Variants in REST observed in about 807,000 individuals in gnomAD.
REST encodes the protein RE1 silencing transcription factor, also known as RE1-silencing transcription factor.
In REST, 1 loss-of-function variant was observed where a neutral mutation model predicts 30.4. The ratio of observed to expected loss-of-function variants is 0.03; its 90% confidence interval spans 0.01 to 0.16. The LOEUF is 0.16. REST is among the 10% of genes least tolerant of loss of function. The probability of loss-of-function intolerance (pLI) is 1.00; values close to 1 mark genes in which losing one functional copy is unlikely to be tolerated. For synonymous variants in REST, 504 were observed against 451.1 expected, an observed-to-expected ratio of 1.12 and a Z score of -1.49; for missense variants, 1,259 against 1,329.5, an observed-to-expected ratio of 0.95 and a Z score of 0.82.
chr4:56,928,426 G>T (rs1189664800), intron 3 of REST, among the ~76,000 whole-genome samples: 15 of 151,184 alleles, frequency 9.9e-5, no homozygotes, highest in Admixed American at 9.2e-4. Context: ...ATTTATTGAT[G>T]TATTTTTGAG....
intron 1 of REST, among the ~76,000 whole-genome samples, chr4:56,908,707 C>T (rs1354783661): frequency 5.9e-5 from 9 of 152,136 alleles, no homozygotes; most frequent in East Asian, 1.9e-4. Context: ...GTTGAGTCAG[C>T]CCCGGGGCCC....
chr4:56,930,291 A>G lies in REST; in HGVS notation c.1433A>G (p.Lys478Arg). Residue 478 changes from lysine to arginine, a missense_variant, in exon 4 of 4, where the codon AAG becomes AGG. Coordinates refer to ENST00000309042, the MANE Select transcript of REST (RefSeq NM_005612.5). Reference sequence around the variant, plus strand: ...AAAAGAGATGTCTCAAAAGAGAAAAAGCCTTCTAATAATGTGTCAGTGATC... The same window carrying G: ...AAAAGAGATGTCTCAAAAGAGAAAAGGCCTTCTAATAATGTGTCAGTGATC... The part of the protein sequence containing the change: ...AEKRDVSKEK[K>R]PSNNVSVIQV... 6.2e-7 allele frequency: 1 copy of G among 1,613,774 alleles called. No homozygotes were observed. The highest frequency in any genetic ancestry group is 1.1e-5 in the South Asian group (1 of 90,958).
chr4:56,931,808 G>A lies in REST; in HGVS notation c.2950G>A (p.Ala984Thr). 1 of 1,614,242 alleles carries A rather than the reference G, an allele frequency of 6.2e-7. No homozygotes were observed. The change falls in exon 4 of 4, where the codon GCA (alanine) becomes ACA (threonine). Residue 984 changes from alanine to threonine, a missense_variant. Physicochemically the swap from Ala to Thr is moderately conservative, Grantham distance 58 (BLOSUM62 0). Coordinates refer to ENST00000309042, the MANE Select transcript of REST (RefSeq NM_005612.5). ...LPPSAVEEREAVSKTALASPP... is the reference protein window; with the variant it reads ...LPPSAVEERETVSKTALASPP... Reference sequence around the variant, plus strand: ...CCCTTCAGCAGTAGAAGAACGTGAAGCAGTGTCCAAAACTGCACTGGCATC... The same window carrying A: ...CCCTTCAGCAGTAGAAGAACGTGAAACAGTGTCCAAAACTGCACTGGCATC...
chr4:56,908,184 T>G lies in REST; in HGVS notation c.-39T>G. ...TCGGAGAAGGAGCGGCGACTCAGGG[T>G]CGCCCGCCCCTCCTCACCGAGGAAG... On this transcript the variant is annotated 5_prime_UTR_variant, in exon 1 of 4. Coordinates refer to ENST00000309042, the MANE Select transcript of REST (RefSeq NM_005612.5). 2 of 167,398 alleles carry G rather than the reference T, an allele frequency of 1.2e-5. No homozygotes were observed. The highest frequency in any genetic ancestry group is 2.5e-5 in the Non-Finnish European group (2 of 80,002). 10.4% of individuals were successfully genotyped at this position (167,398 alleles called of 1,614,324 possible).
rs558854430 is a variant in REST, at chr4:56,929,271, G to A, written c.983-570G>A. Among the ~76,000 whole-genome samples, 24 of 151,444 alleles carry A rather than the reference G, an allele frequency of 1.6e-4. No homozygotes were observed. The South Asian group carries it at 3.1e-3, about 20-fold the overall frequency. On this transcript the variant is annotated intron_variant, in intron 3 of 3. Coordinates refer to ENST00000309042, the MANE Select transcript of REST (RefSeq NM_005612.5). ...TTTTTAGTAGAGATGGGGTTTCACCGTGTTGGCCAGGCTGGTTTCAAACTC... is the reference window on the plus strand; with the variant it reads ...TTTTTAGTAGAGATGGGGTTTCACCATGTTGGCCAGGCTGGTTTCAAACTC...
Position 56,911,271 on chromosome 4 carries a change from C to T in REST, c.633C>T (p.Phe211=), listed in dbSNP as rs369998642. 2 of 1,614,020 alleles carry T rather than the reference C, an allele frequency of 1.2e-6. No individual in the cohort carries two copies. The highest frequency in any genetic ancestry group is 2.2e-5 in the East Asian group (1 of 44,884). Reference sequence around the variant, plus strand: ...CTTCCACTGCAGAAGAGGGAGATTTCTCCAAGGGCCCCATTCGCTGTGACC... The same window carrying T: ...CTTCCACTGCAGAAGAGGGAGATTTTTCCAAGGGCCCCATTCGCTGTGACC... ...SGSSTAEEGD[F]SKGPIRCDRC... is the part of the protein sequence containing the mutation. The change falls in exon 2 of 4, where the codon TTC becomes TTT. Residue 211 remains phenylalanine, a synonymous_variant. Coordinates refer to ENST00000309042, the MANE Select transcript of REST (RefSeq NM_005612.5).
At chr4:56,926,203 G>GCA (rs1231376111) in intron 3 of REST, among the ~76,000 whole-genome samples, 28 of 151,874 alleles carry the variant, frequency 1.8e-4, no homozygotes, top group Non-Finnish European at 3.7e-4. Flanking sequence ...GGGATTACAG[G>GCA]CATGCACCAC....
In REST at chr4:56,931,854, C is replaced by A; in HGVS notation, c.2996C>A (p.Ala999Glu). 2.5e-6 allele frequency: 4 copies of A among 1,614,198 alleles called. No homozygotes were observed. The highest frequency in any genetic ancestry group is 3.4e-6 in the Non-Finnish European group (4 of 1,180,028). Residue 999 changes from alanine (A) to glutamate (E), a missense_variant, in exon 4 of 4, where the codon GCA becomes GAA. Ala to Glu is a moderately radical substitution (Grantham distance 107). Coordinates refer to ENST00000309042, the MANE Select transcript of REST (RefSeq NM_005612.5). ...GCATCACCTCCTGCTACAATGGCAG[C>A]AAATGAGTCTCAGGAAATTGATGAA... is the stretch of plus-strand genomic sequence containing the variant. Reference protein sequence around the residue: ...ALASPPATMAANESQEIDEDE... With the variant: ...ALASPPATMAENESQEIDEDE...
At chr4:56,916,088 G>T (rs990690057) in intron 2 of REST, among the ~76,000 whole-genome samples, 1 of 147,394 alleles carries the variant, frequency 6.8e-6, no homozygotes, top group South Asian at 2.4e-4. Flanking sequence ...GGGACAGAGT[G>T]AGACTCTGTC....
rs781667 is a variant in REST, at chr4:56,932,303, A to G, written c.*151A>G. The G allele has an allele frequency of 0.23, 171,359 of 760,432 alleles. 20,888 individuals are homozygous for G. The highest frequency in any genetic ancestry group is 0.25 in the Non-Finnish European group (122,850 of 488,206). 47.1% of individuals were successfully genotyped at this position (760,432 alleles called of 1,614,324 possible). ...TTCTTTTCCTTAGGACTTTTTATGTATACCTGTTGATTGTTGTGTAAATTT... is the reference window on the plus strand; with the variant it reads ...TTCTTTTCCTTAGGACTTTTTATGTGTACCTGTTGATTGTTGTGTAAATTT... On this transcript the variant is annotated 3_prime_UTR_variant, in exon 4 of 4. Coordinates refer to ENST00000309042, the MANE Select transcript of REST (RefSeq NM_005612.5).
At chr4:56,925,990 A>C (rs1302320248) in intron 3 of REST, among the ~76,000 whole-genome samples, 1 of 152,210 alleles carries the variant, frequency 6.6e-6, no homozygotes, top group Non-Finnish European at 1.5e-5. Flanking sequence ...AAATATGAAG[A>C]GAAGAGATAA....
chr4:56,925,942 A>G (rs1430678163), intron 3 of REST, among the ~76,000 whole-genome samples: 1 of 152,176 alleles, frequency 6.6e-6, no homozygotes, highest in African/African-American at 2.4e-5. Flanking sequence ...GAGTTATAAA[A>G]TGGTGCTATT....
In REST at chr4:56,931,340, A is replaced by G; in HGVS notation, c.2482A>G (p.Ser828Gly). 6.2e-7 allele frequency: 1 copy of G among 1,614,272 alleles called. No homozygotes were observed. Among genetic ancestry groups the G allele is most frequent in the Admixed American group, 1.7e-5 (1 of 60,034 alleles). ...KDKKEKSNMQ[S>G]ERARKEQVLI... Reference sequence around the variant, plus strand: ...TAAAAAGGAAAAGTCTAACATGCAGAGTGAAAGGGCACGGAAGGAGCAAGT... The same window carrying G: ...TAAAAAGGAAAAGTCTAACATGCAGGGTGAAAGGGCACGGAAGGAGCAAGT... The change falls in exon 4 of 4, where the codon AGT becomes GGT. Residue 828 changes from serine (S) to glycine (G), a missense_variant. Physicochemically the swap from Ser to Gly is moderately conservative, Grantham distance 56. This residue lies in a region of REST where 856 missense variants were observed against 772.8 expected (regional missense o/e 1.11). Coordinates refer to ENST00000309042, the MANE Select transcript of REST (RefSeq NM_005612.5).
intron 3 of REST, among the ~76,000 whole-genome samples, chr4:56,922,893 A>T (rs1482333122): frequency 6.6e-6 from 1 of 152,242 alleles, no homozygotes; most frequent in Non-Finnish European, 1.5e-5. Context: ...TGGTTGACCC[A>T]TTAATATAAT....
Position 56,910,750 on chromosome 4 carries a change from A to C in REST, c.112A>C (p.Lys38Gln), listed in dbSNP as rs776125562. 6.2e-7 allele frequency: 1 copy of C among 1,614,224 alleles called. No homozygotes were observed. Among genetic ancestry groups the C allele is most frequent in the Non-Finnish European group, 8.5e-7 (1 of 1,180,050 alleles). The change falls in exon 2 of 4, where the codon AAA becomes CAA. Residue 38 changes from lysine (K) to glutamine (Q), a missense_variant. Lys to Gln is a moderately conservative substitution (Grantham distance 53). Transcript: ENST00000309042. ...CATGTATGACTTGCATGACCTTTCC[A>C]AAGCTGAACTGGCCGCACCTCAGCT... ...NDMYDLHDLS[K>Q]AELAAPQLIM...
At chr4:56,928,181 C>T (rs1254337697) in intron 3 of REST, among the ~76,000 whole-genome samples, 5 of 151,902 alleles carry the variant, frequency 3.3e-5, no homozygotes, top group Admixed American at 6.6e-5. Flanking sequence ...GATCTTGGCT[C>T]ACTGTAATCT....
chr4:56,927,199 A>G (rs1402436955), intron 3 of REST, among the ~76,000 whole-genome samples: 2 of 152,114 alleles, frequency 1.3e-5, no homozygotes, highest in Non-Finnish European at 2.9e-5. Context: ...TATCTCCCAG[A>G]TGGTCTAGCT....
intron 2 of REST, among the ~76,000 whole-genome samples, chr4:56,912,646 CTGGGACTA>C (rs1719986112): frequency 1.3e-5 from 2 of 152,110 alleles, no homozygotes; most frequent in African/African-American, 4.8e-5. Flanking sequence ...TCCTGAGTGG[CTGGGACTA>C]TAGGTGCCCA....
At position 56,911,580 on chromosome 4, in the gene REST, ATTG is replaced by A. The variant is rs770432388; in HGVS notation, c.898+47_898+49del. 2.7e-6 allele frequency: 4 copies of A among 1,505,966 alleles called. No homozygotes were observed. In the African/African-American group the frequency reaches 4.2e-5, roughly 16 times the overall value. 93.3% of individuals were successfully genotyped at this position (1,505,966 alleles called of 1,614,324 possible). ...TCCATAAGTTCAGTTCTCTTTTCTG[ATTG>A]TTACTTGAGTGGTTAGTTAAGTAGT... On this transcript the variant is annotated intron_variant, in intron 2 of 3. Coordinates refer to ENST00000309042, the MANE Select transcript of REST (RefSeq NM_005612.5).
Sources: gnomAD v4.1 joint callset for allele counts (sites outside exome capture counted in the v4.1 genomes callset) on GRCh38, gnomAD v4.1.1 for gene constraint, gnomAD v4.1.1 regional missense constraint, MANE v1.5 for transcripts, NCBI Gene and HGNC (gene_info 2026-07-23, HGNC 2026-07-21) for gene names.